The following NOS1AP variants were observed in gnomAD, a reference collection of about 807,000 sequenced individuals.
NOS1AP encodes carboxyl-terminal PDZ ligand of neuronal nitric oxide synthase protein.
NOS1AP carries 21 observed loss-of-function variants against 56.2 expected under a neutral mutation model. The observed-to-expected ratio is 0.37, with a 90% CI of 0.26 to 0.54. NOS1AP has a LOEUF of 0.54. Among genes scored for constraint, NOS1AP ranks in the 20% least tolerant of loss-of-function variants. The pLI is 0.84. For synonymous variants in NOS1AP, 270 were observed against 274.6 expected (o/e 0.98, Z 0.17); for missense variants, 522 against 657.8 (o/e 0.79, Z 2.26).
At chr1:162,091,491 A>T (rs1384537677) in intron 1 of NOS1AP, among the ~76,000 whole-genome samples, 3 of 152,080 alleles carry the variant, frequency 2.0e-5, no homozygotes, top group Non-Finnish European at 4.4e-5. Flanking sequence ...TGCTCTGTTT[A>T]TTTTTTGTAG....
At chr1:162,243,057 G>T (rs976623263) in intron 2 of NOS1AP, among the ~76,000 whole-genome samples, 12 of 152,168 alleles carry the variant, frequency 7.9e-5, no homozygotes, top group African/African-American at 2.4e-4. Context: ...AGTTATGATT[G>T]TCCCTAAGGG....
intron 4 of NOS1AP, among the ~76,000 whole-genome samples, chr1:162,306,437 C>A (rs1655830465): frequency 2.6e-5 from 4 of 152,152 alleles, no homozygotes; most frequent in Admixed American, 2.6e-4. Flanking sequence ...GCTATTATGA[C>A]CTCCAGCACA....
intron 1 of NOS1AP, among the ~76,000 whole-genome samples, chr1:162,153,970 CT>C (rs141108657): frequency 0.064 from 8,852 of 138,658 alleles, 269 homozygotes; most frequent in African/African-American, 0.085. Flanking sequence ...GGTATATATT[CT>C]TTTTTTTTTT....
At chr1:162,103,114 A>G (rs920598542) in intron 1 of NOS1AP, among the ~76,000 whole-genome samples, 1 of 152,208 alleles carries the variant, frequency 6.6e-6, no homozygotes, top group African/African-American at 2.4e-5. Context: ...GCTGCGTCCC[A>G]GAGATTCTGG....
At chr1:162,093,151 T>C (rs1338064794) in intron 1 of NOS1AP, among the ~76,000 whole-genome samples, 1 of 152,206 alleles carries the variant, frequency 6.6e-6, no homozygotes, top group Non-Finnish European at 1.5e-5. Context: ...GAATATTGCA[T>C]GCTGCCTCTC....
At chr1:162,190,959 ACCAT>A (rs1181894379) in intron 2 of NOS1AP, among the ~76,000 whole-genome samples, 1 of 152,060 alleles carries the variant, frequency 6.6e-6, no homozygotes, top group African/African-American at 2.4e-5. Context: ...TGCTAGGGTA[ACCAT>A]CATCAGGGTT....
At chr1:162,104,237 C>T (rs1440369073) in intron 1 of NOS1AP, among the ~76,000 whole-genome samples, 2 of 152,190 alleles carry the variant, frequency 1.3e-5, no homozygotes, top group Non-Finnish European at 2.9e-5. Flanking sequence ...TATTGGCCCC[C>T]AGTCTCTTCT....
At chr1:162,089,633 G>A (rs1692084034) in intron 1 of NOS1AP, among the ~76,000 whole-genome samples, 1 of 152,164 alleles carries the variant, frequency 6.6e-6, no homozygotes, top group Non-Finnish European at 1.5e-5. Context: ...GGATTATCTG[G>A]GTGGGCTTTA....
At chr1:162,087,200 CCAGTAGCTCGTGA>C (rs1022057783) in intron 1 of NOS1AP, among the ~76,000 whole-genome samples, 10 of 152,118 alleles carry the variant, frequency 6.6e-5, no homozygotes, top group African/African-American at 2.4e-4. Context: ...CTATGGATGT[CCAGTAGCTCGTGA>C]CAGTGATGCC....
chr1:162,191,562 A>G (rs951898557), intron 2 of NOS1AP, among the ~76,000 whole-genome samples: 3 of 151,964 alleles, frequency 2.0e-5, no homozygotes, highest in Non-Finnish European at 4.4e-5. Flanking sequence ...TGATTTACTG[A>G]ATTACTTGAG....
At chr1:162,245,879 C>T (rs1250445117) in intron 2 of NOS1AP, among the ~76,000 whole-genome samples, 1 of 152,190 alleles carries the variant, frequency 6.6e-6, no homozygotes, top group East Asian at 1.9e-4. Context: ...ATGATGATAG[C>T]TTATGATGGA....
chr1:162,304,030 T>A (rs1338914776), intron 4 of NOS1AP, among the ~76,000 whole-genome samples: 1 of 151,904 alleles, frequency 6.6e-6, no homozygotes, highest in East Asian at 1.9e-4. Context: ...AGCTAAGAAA[T>A]CTGTACCTAA....
chr1:162,345,029 C>T (rs571391361), intron 6 of NOS1AP, among the ~76,000 whole-genome samples: 10 of 151,742 alleles, frequency 6.6e-5, no homozygotes, highest in South Asian at 2.1e-4. Context: ...TTGTTACCTA[C>T]GAAAAAATCT....
intron 2 of NOS1AP, among the ~76,000 whole-genome samples, chr1:162,250,501 A>G (rs17459468): frequency 0.026 from 3,906 of 152,262 alleles, 70 homozygotes; most frequent in Non-Finnish European, 0.037. Flanking sequence ...CCCTGTGGTT[A>G]CATCTCCATT....
intron 1 of NOS1AP, among the ~76,000 whole-genome samples, chr1:162,152,807 T>C (rs532321491): frequency 5.9e-5 from 9 of 152,330 alleles, no homozygotes; most frequent in East Asian, 1.9e-4. Flanking sequence ...CAGCTCCAAA[T>C]TTCGGGAAAA....
chr1:162,124,185 T>C (rs1414061013), intron 1 of NOS1AP, among the ~76,000 whole-genome samples: 11 of 152,078 alleles, frequency 7.2e-5, no homozygotes, highest in African/African-American at 2.7e-4. Flanking sequence ...CATGGATGCA[T>C]TGTATAGCGG....
chr1:162,231,545 C>G (rs1653125934), intron 2 of NOS1AP, among the ~76,000 whole-genome samples: 1 of 151,830 alleles, frequency 6.6e-6, no homozygotes, highest in Non-Finnish European at 1.5e-5. Flanking sequence ...TTATTTAACC[C>G]AATATATTTA....
intron 1 of NOS1AP, among the ~76,000 whole-genome samples, chr1:162,153,012 A>C (rs535742427): frequency 2.0e-5 from 3 of 152,294 alleles, no homozygotes; most frequent in Admixed American, 2.0e-4. Flanking sequence ...TCAGTGTGTA[A>C]TGGGATGGTG....
rs370276449 is a variant in NOS1AP, at chr1:162,348,759, G to A, written c.595+4783G>A. 4.6e-5 allele frequency among the ~76,000 whole-genome samples: 7 copies of A among 152,176 alleles called. No individual in the cohort carries two copies. In the South Asian group the frequency reaches 1.5e-3, roughly 32 times the overall value. On this transcript the variant is annotated intron_variant, in intron 6 of 9. Coordinates refer to ENST00000361897, the MANE Select transcript of NOS1AP (RefSeq NM_014697.3). ...CAAGGGCTCTCCCCTGCTCGTGTAG[G>A]TGAGGAGAGGACCTGTGGGGTGATG...
Sources: allele counts gnomAD v4.1 joint callset (sites outside exome capture counted in the v4.1 genomes callset), GRCh38; gene constraint gnomAD v4.1.1; transcripts MANE v1.5; gene names NCBI Gene and HGNC (gene_info 2026-07-23, HGNC 2026-07-21).